FGF13: variants seen among roughly 807,000 people sequenced by gnomAD.
FGF13 encodes fibroblast growth factor homologous factor 2.
In FGF13, 2 loss-of-function variants were observed where a neutral mutation model predicts 19.5. The ratio of observed to expected loss-of-function variants is 0.10; its 90% CI spans 0.04 to 0.32. The LOEUF (loss-of-function observed/expected upper bound fraction) is 0.32, where lower values mean the gene tolerates loss of function less well. Ranked by LOEUF, FGF13 falls within the 10% of genes least tolerant of loss-of-function variation. The pLI, the probability that FGF13 is intolerant of heterozygous loss-of-function variation, is 1.00. For synonymous variants in FGF13, 72 were observed against 76.9 expected (o/e 0.94, Z 0.33); for missense variants, 113 against 192.7 (o/e 0.59, Z 2.45).
intron 3 of FGF13, among the ~76,000 whole-genome samples, chrX:138,690,028 C>G (rs1188329628): frequency 1.2e-4 from 13 of 111,481 alleles, no homozygotes; most frequent in Non-Finnish European, 1.7e-4. Flanking sequence ...AATGAGTTGG[C>G]CAGGTCGCTT....
At chrX:138,841,287 A>G (rs985213045) in intron 3 of FGF13, among the ~76,000 whole-genome samples, 1 of 111,127 alleles carries the variant, frequency 9.0e-6, no homozygotes, top group Non-Finnish European at 1.9e-5. Context: ...AAAAAGGAGA[A>G]GCCCACGGCC....
chrX:138,684,062 A>C (rs1255542183), intron 3 of FGF13, among the ~76,000 whole-genome samples: 1 of 111,780 alleles, frequency 8.9e-6, no homozygotes, highest in African/African-American at 3.2e-5. Flanking sequence ...CTGGCTACTC[A>C]GTACTAAAGA....
At chrX:138,841,517 A>T (rs760264549) in intron 3 of FGF13, among the ~76,000 whole-genome samples, 43 of 110,241 alleles carry the variant, frequency 3.9e-4, no homozygotes, top group African/African-American at 1.1e-3. Context: ...CTTTTTAAAA[A>T]TTTTTTTTAT....
chrX:139,129,261 T>G, intron 1 of FGF13, among the ~76,000 whole-genome samples: 1 of 109,709 alleles, frequency 9.1e-6, no homozygotes, highest in East Asian at 2.9e-4. Flanking sequence ...ATTTATAATA[T>G]CATATGATAT....
At chrX:138,853,310 T>A (rs752847668), downstream of FGF13, among the ~76,000 whole-genome samples, 1 of 111,826 alleles carries the variant, frequency 8.9e-6, no homozygotes, top group African/African-American at 3.2e-5. Context: ...CCTCAGCATG[T>A]TCCTCAGCAT....
intron 3 of FGF13, among the ~76,000 whole-genome samples, chrX:138,823,968 C>A (rs978334705): frequency 8.9e-6 from 1 of 111,882 alleles, no homozygotes; most frequent in Non-Finnish European, 1.9e-5. Context: ...AATAGTCATC[C>A]AGTCTCTAGA....
At chrX:139,048,090 T>C (rs953238339) in intron 1 of FGF13, among the ~76,000 whole-genome samples, 1 of 111,561 alleles carries the variant, frequency 9.0e-6, no homozygotes, top group African/African-American at 3.3e-5. Flanking sequence ...CACAGACATA[T>C]ACATATTTTT....
chrX:139,118,628 C>T (rs981884352), intron 1 of FGF13, among the ~76,000 whole-genome samples: 3 of 111,561 alleles, frequency 2.7e-5, no homozygotes, highest in Admixed American at 9.5e-5. Flanking sequence ...ACCTTGGAAT[C>T]CAATGCCCTT....
chrX:138,945,473 G>C (rs988629835), intron 1 of FGF13, among the ~76,000 whole-genome samples: 2 of 111,406 alleles, frequency 1.8e-5, no homozygotes, highest in Admixed American at 1.9e-4. Context: ...TGGTTAGTTC[G>C]GCACTCCTGC....
rs66508333 is a variant in FGF13, at chrX:138,894,160, TA to T, written c.-112-29511del. Among the ~76,000 whole-genome samples, 665 of 110,226 alleles carry T rather than the reference TA, an allele frequency of 6.0e-3. 2 individuals carry two copies. Among genetic ancestry groups the T allele is most frequent in the East Asian group, 0.013 (46 of 3,501 alleles). ...CATTCTAATACACAAAAGTGTTCTC[TA>T]TTTCAAAATGCCCCGGGTCTCGGGG... On this transcript the variant is annotated intron_variant, in intron 1 of 2. Coordinates refer to the FGF13 transcript ENST00000421460.
At position 138,631,662 on chromosome X, in the gene FGF13, A is replaced by G. The variant is rs1396433597; in HGVS notation, c.*1188T>C. On this transcript the variant is annotated 3_prime_UTR_variant, in exon 5 of 5. Transcript: ENST00000315930. ...CAACTTTTTTAAACTTTTTGTGCAC[A>G]GGACAGAAAACTGCCTGTACATGCT... 8.0e-5 allele frequency: 9 copies of G among 112,679 alleles called. No homozygotes were observed. Among genetic ancestry groups the G allele is most frequent in the Non-Finnish European group, 1.5e-4 (8 of 53,315 alleles). 9.3% of individuals were successfully genotyped at this position (112,679 alleles called of 1,213,427 possible).
At chrX:139,170,762 A>G (rs2084126147) in intron 1 of FGF13, among the ~76,000 whole-genome samples, 1 of 111,506 alleles carries the variant, frequency 9.0e-6, no homozygotes, top group Non-Finnish European at 1.9e-5. Context: ...GACACTGCCT[A>G]GCTAATTCTC....
intron 1 of FGF13, among the ~76,000 whole-genome samples, chrX:138,973,883 T>C (rs2091929516): frequency 8.9e-6 from 1 of 112,022 alleles, no homozygotes; most frequent in East Asian, 2.8e-4. Flanking sequence ...ACGCATGTTC[T>C]TACAGGCGAA....
At chrX:138,676,409 C>T (rs2089666859) in intron 3 of FGF13, among the ~76,000 whole-genome samples, 1 of 111,318 alleles carries the variant, frequency 9.0e-6, no homozygotes, top group Non-Finnish European at 1.9e-5. Context: ...GATTAATGGA[C>T]TTGGAAAACC....
chrX:138,869,473 T>C (rs2091346359), intron 1 of FGF13, among the ~76,000 whole-genome samples: 1 of 112,317 alleles, frequency 8.9e-6, no homozygotes, highest in African/African-American at 3.2e-5. Context: ...CATGAGTCCT[T>C]GGATCCTCTT....
intron 1 of FGF13, among the ~76,000 whole-genome samples, chrX:139,028,814 G>T (rs1209095064): frequency 9.1e-6 from 1 of 109,680 alleles, no homozygotes; most frequent in Non-Finnish European, 1.9e-5. Context: ...ATACACATTG[G>T]ATAGAATCGT....
chrX:138,973,056 T>C (rs1569433432), intron 1 of FGF13, among the ~76,000 whole-genome samples: 1 of 111,758 alleles, frequency 8.9e-6, no homozygotes, highest in Non-Finnish European at 1.9e-5. Context: ...TCATTTTGGG[T>C]TTAGTTTGCT....
At position 138,928,965 on chromosome X, in the gene FGF13, C is replaced by T. The variant is rs140186003; in HGVS notation, c.-112-64315G>A. ...ATGTGTTCAGGTCAGATATTAAGCCCCTGCTTGGGATTTGCTCTTTCTCTC... is the reference window on the plus strand; with the variant it reads ...ATGTGTTCAGGTCAGATATTAAGCCTCTGCTTGGGATTTGCTCTTTCTCTC... On this transcript the variant is annotated intron_variant, in intron 1 of 2. Coordinates refer to the FGF13 transcript ENST00000421460. Among the ~76,000 whole-genome samples the T allele has an allele frequency of 1.9e-3, 207 of 111,691 alleles. 1 individual carries two copies. In the South Asian group the frequency reaches 0.026, roughly 14 times the overall value.
At chrX:138,972,176 G>A (rs1018944703) in intron 1 of FGF13, among the ~76,000 whole-genome samples, 2 of 108,074 alleles carry the variant, frequency 1.9e-5, no homozygotes, top group Admixed American at 2.0e-4. Context: ...TGGGAGTGCA[G>A]ATATCTCTTC....
Sources: allele counts gnomAD v4.1 joint callset (sites outside exome capture counted in the v4.1 genomes callset), GRCh38; gene constraint gnomAD v4.1.1; transcripts MANE v1.5; gene names NCBI Gene and HGNC (gene_info 2026-07-23, HGNC 2026-07-21).